Variants in SH2D6 observed in about 807,000 individuals in gnomAD.
SH2D6 encodes the protein SH2 domain containing 6.
A neutral mutation model predicts 30.2 loss-of-function variants in SH2D6; 31 were observed. That is an observed-to-expected ratio of 1.03 (90% confidence interval 0.77 to 1.38). SH2D6 has a LOEUF of 1.38. Among genes scored for constraint, SH2D6 ranks in the 40% most tolerant of loss-of-function variants. SH2D6 has a pLI of 0.00. For missense variants in SH2D6, 240 were observed against 266.8 expected, an observed-to-expected ratio of 0.90 and a Z score of 0.70; for synonymous variants, 93 against 104.6, an observed-to-expected ratio of 0.89 and a Z score of 0.68.
chr2:85,435,843 A>G lies in SH2D6; in HGVS notation c.891+19A>G, dbSNP rs928419029. On this transcript the variant is annotated intron_variant, in intron 22 of 23. Transcript: ENST00000469800. ...TGAGGAGGTGGGAGCTGGAGGAGGC[A>G]GGGGCCTAAGGAGGGACCACAGAGC... is the stretch of plus-strand genomic sequence containing the variant. The G allele has an allele frequency of 2.9e-5, 46 of 1,564,268 alleles. No individual in the cohort carries two copies. Among genetic ancestry groups the G allele is most frequent in the African/African-American group, 4.1e-5 (3 of 74,016 alleles).
intron 2 of SH2D6, chr2:85,421,772 G>C (rs949442251): frequency 6.6e-6 from 1 of 152,438 alleles, no homozygotes; most frequent in Non-Finnish European, 1.5e-5. Flanking sequence ...GCCTGCAGGA[G>C]GAGGGAGGAA....
At chr2:85,429,161 G>A (rs1230978538) in intron 7 of SH2D6, among the ~76,000 whole-genome samples, 1 of 152,224 alleles carries the variant, frequency 6.6e-6, no homozygotes, top group African/African-American at 2.4e-5. Flanking sequence ...TATGAGTTGA[G>A]AAAGGTGACA....
chr2:85,421,566 G>A (rs1453719993), intron 2 of SH2D6: 2 of 152,212 alleles, frequency 1.3e-5, no homozygotes, highest in East Asian at 1.9e-4. Flanking sequence ...CTGTGGGCCC[G>A]GCACTTGGAA....
rs1044186032 is a variant in SH2D6, at chr2:85,419,033, A to G, written c.-788A>G. 3.9e-5 allele frequency: 6 copies of G among 152,398 alleles called. No individual in the cohort carries two copies. Among genetic ancestry groups the G allele is most frequent in the African/African-American group, 1.2e-4 (5 of 41,470 alleles). 9.4% of individuals were successfully genotyped at this position (152,398 alleles called of 1,614,324 possible). A position where few individuals can be genotyped will look rare whatever the true frequency, so the allele number is the denominator to read the frequency against. ...AACCCTTCCTCCATCGCCTAGAGCA[A>G]ACTCCCATTCCTGGAAGGAGGAGCA... On this transcript the variant is annotated 5_prime_UTR_variant, in exon 2 of 24. Coordinates refer to ENST00000469800, the MANE Select transcript of SH2D6 (RefSeq NM_001394463.1).
At chr2:85,434,630 A>T in intron 19 of SH2D6, 133 bp downstream of exon 19, 1 of 1,371,474 alleles carries the variant, frequency 7.3e-7, no homozygotes, top group Non-Finnish European at 9.8e-7. Flanking sequence ...AAAAAAAAAA[A>T]AAAAACTAGG....
chr2:85,422,300 AG>A lies in SH2D6; in HGVS notation c.-478del, dbSNP rs1302287300. 2.0e-5 allele frequency: 3 copies of A among 152,300 alleles called. No homozygotes were observed. Among genetic ancestry groups the A allele is most frequent in the Non-Finnish European group, 2.9e-5 (2 of 68,046 alleles). The allele number at this position is 152,300 out of a possible 1,614,324, so 9.4% of individuals were successfully genotyped here. ...TGCTTGAGCCCAGAAGTTCAAGACC[AG>A]CCTGGACAACATAGTGAGACCCCAT... On this transcript the variant is annotated 5_prime_UTR_variant, in exon 3 of 24. Transcript: ENST00000469800.
In SH2D6 at chr2:85,434,092, A is replaced by G. The variant is rs779144860; in HGVS notation, c.514A>G (p.Arg172Gly). ...QVLMPSGPLP[R>G]TSVVPRPTTA... The stretch of plus-strand genomic sequence containing the variant: ...CCTGATGCCCTCAGGCCCTCTGCCC[A>G]GGACATCAGTGGTGCCCAGGTAAGT... Residue 172 changes from arginine (R) to glycine (G), a missense_variant, in exon 17 of 24, where the codon AGG (arginine) becomes GGG (glycine). Transcript: ENST00000469800. The G allele has an allele frequency of 6.4e-7, 1 of 1,550,566 alleles. No homozygotes were observed. Among genetic ancestry groups the G allele is most frequent in the Non-Finnish European group, 8.7e-7 (1 of 1,146,986 alleles).
intron 6 of SH2D6, among the ~76,000 whole-genome samples, chr2:85,425,896 G>A (rs1169331677): frequency 6.6e-6 from 1 of 152,308 alleles, no homozygotes; most frequent in Middle Eastern, 3.4e-3. Context: ...AGTCTGGCAC[G>A]GGGCCTCTGG....
chr2:85,420,270 C>G (rs1687699774), intron 2 of SH2D6, among the ~76,000 whole-genome samples: 1 of 152,154 alleles, frequency 6.6e-6, no homozygotes, highest in South Asian at 2.1e-4. Flanking sequence ...CAGGCGCACA[C>G]TACCACGCCT....
rs1181116303 is a variant in SH2D6 at position 85,418,909 on chromosome 2, C to T, written c.-814C>T. 1.3e-5 allele frequency: 2 copies of T among 152,374 alleles called. No individual in the cohort carries two copies. Among genetic ancestry groups the T allele is most frequent in the African/African-American group, 2.4e-5 (1 of 41,464 alleles). The allele number at this position is 152,374 out of a possible 1,614,324, so 9.4% of individuals were successfully genotyped here. ...GCCCTCCTTCTCTGCGAACCTGAGC[C>T]CCGCCCTGCCCTCCCTACGAGGTTG... On this transcript the variant is annotated 5_prime_UTR_variant, in exon 1 of 24. Transcript: ENST00000469800.
At chr2:85,420,239 G>A (rs1687698524) in intron 2 of SH2D6, among the ~76,000 whole-genome samples, 2 of 152,158 alleles carry the variant, frequency 1.3e-5, no homozygotes. Flanking sequence ...CTCAGCCTCA[G>A]TAGCTGGGAT....
In SH2D6 at chr2:85,436,462, C is replaced by A. The variant is rs1197181774; in HGVS notation, c.892-4C>A. ...ACTCACGGATGCCCTGCCTCCCTGGCCAGCTCTTCTCCTCCGTGGCGGCCA... is the reference window on the plus strand; with the variant it reads ...ACTCACGGATGCCCTGCCTCCCTGGACAGCTCTTCTCCTCCGTGGCGGCCA... On this transcript the variant is annotated splice_polypyrimidine_tract_variant and splice_region_variant and intron_variant, in intron 22 of 23. Transcript: ENST00000469800. 8 of 1,612,754 alleles carry A rather than the reference C, an allele frequency of 5.0e-6. No individual in the cohort carries two copies. The highest frequency in any genetic ancestry group is 6.8e-6 in the Non-Finnish European group (8 of 1,179,154).
At chr2:85,422,753 A>G (rs1364208113) in intron 5 of SH2D6, 63 bp downstream of exon 5, 2 of 152,500 alleles carry the variant, frequency 1.3e-5, no homozygotes, top group African/African-American at 4.8e-5. Context: ...GCTGTCTGGG[A>G]CACTGTGCCC....
At chr2:85,422,783 A>G (rs1428545909) in intron 5 of SH2D6, 93 bp downstream of exon 5, 1 of 152,290 alleles carries the variant, frequency 6.6e-6, no homozygotes, top group East Asian at 1.9e-4. Context: ...GGGAAAACCA[A>G]CCTCAACTTT....
intron 20 of SH2D6, 34 bp downstream of exon 20, chr2:85,435,157 G>T: frequency 6.3e-7 from 1 of 1,598,004 alleles, no homozygotes. Context: ...TGTAGGGAGA[G>T]GTTCCGGGAG....
In SH2D6 at chr2:85,428,662, A is replaced by G. The variant is rs1012757417; in HGVS notation, c.-130A>G. 1.3e-5 allele frequency: 2 copies of G among 152,202 alleles called. No individual in the cohort carries two copies. The highest frequency in any genetic ancestry group is 2.9e-5 in the Non-Finnish European group (2 of 68,040). 9.4% of individuals were successfully genotyped at this position (152,202 alleles called of 1,614,324 possible). On this transcript the variant is annotated 5_prime_UTR_variant, in exon 7 of 24. It removes an upstream start codon present in the reference 5' UTR. Transcript: ENST00000469800. ...GAGGCCGCATCACAAACCAACCTTT[A>G]TGGCACCTTGATCTTAGACTTCTAG...
intron 13 of SH2D6, 62 bp from the exon 14 acceptor site, chr2:85,431,837 C>T (rs1688686967): frequency 6.5e-6 from 1 of 152,740 alleles, no homozygotes; most frequent in African/African-American, 2.4e-5. Flanking sequence ...CCCATCCTAT[C>T]CCGCCCCATC....
At chr2:85,427,951 G>C (rs1380629687) in intron 6 of SH2D6, among the ~76,000 whole-genome samples, 1 of 151,914 alleles carries the variant, frequency 6.6e-6, no homozygotes, top group Non-Finnish European at 1.5e-5. Flanking sequence ...GCAAGCACGT[G>C]GGCTTTGTTT....
chr2:85,432,969 T>G (rs548594842), intron 14 of SH2D6, 130 bp from the exon 15 acceptor site: 1 of 755,592 alleles, frequency 1.3e-6, no homozygotes, highest in South Asian at 6.0e-5. Flanking sequence ...TCCTGGGGCT[T>G]CAAAGCTGGC....
Sources: allele counts gnomAD v4.1 joint callset (sites outside exome capture counted in the v4.1 genomes callset), GRCh38; gene constraint gnomAD v4.1.1; transcripts MANE v1.5; gene names NCBI Gene and HGNC (gene_info 2026-07-23, HGNC 2026-07-21).